Variants in C11orf98 observed in about 807,000 individuals in gnomAD.
C11orf98 encodes the protein 28S rRNA/ribosome and sororin micro-cofactor.
In C11orf98, 7 loss-of-function variants were observed where a neutral mutation model predicts 10.9. The observed-to-expected ratio is 0.64, with a 90% CI of 0.37 to 1.21. C11orf98 has a LOEUF of 1.21. Ranked by LOEUF, C11orf98 falls within the 50% of genes most tolerant of loss-of-function variation. C11orf98 has a pLI of 0.02. For missense variants in C11orf98, 181 were observed against 153.7 expected, an observed-to-expected ratio of 1.18 and a Z score of -0.94; for synonymous variants, 70 against 57.2, an observed-to-expected ratio of 1.22 and a Z score of -1.01.
At chr11:62,663,202 G>A (rs762693839) in intron 3 of C11orf98, 34 bp downstream of exon 3, 1 of 1,613,750 alleles carries the variant, frequency 6.2e-7, no homozygotes, top group South Asian at 1.1e-5. Context: ...AATAAATCCA[G>A]GATTCCCCTC....
At position 62,663,246 on chromosome 11, in the gene C11orf98, T is replaced by C. The variant is rs752883295; in HGVS notation, c.252A>G (p.Thr84=). Residue 84 remains threonine (T), a synonymous_variant, in exon 3 of 4, where the codon ACA becomes ACG. Transcript: ENST00000524958. ...QQIRLAQKEK[T]AMEVEAPSKP... ...CTGTCCCAGCCTCACCTTCCATGGC[T>C]GTCTTCTCTTTCTGGGCAAGCCGGA... 8.7e-6 allele frequency: 14 copies of C among 1,614,154 alleles called. No homozygotes were observed. The highest frequency in any genetic ancestry group is 1.0e-5 in the Non-Finnish European group (12 of 1,180,008).
rs1187687706 is a variant in C11orf98 at position 62,663,050 on chromosome 11, TTAGC to T, written c.368_371del (p.Ser123LysfsTer24). The T allele has an allele frequency of 6.3e-7, 1 of 1,575,940 alleles. No individual in the cohort carries two copies. Among genetic ancestry groups the T allele is most frequent in the Non-Finnish European group, 8.7e-7 (1 of 1,147,738 alleles). On this transcript the variant is annotated frameshift_variant and stop_lost, in exon 4 of 4. Coordinates refer to ENST00000524958, the MANE Select transcript of C11orf98 (RefSeq NM_001286086.2). LOFTEE classifies it high-confidence loss of function. Reference sequence around the variant, plus strand: ...TTGAGAATCTTCTAGTGGAAGAGGTTTAGCTCTCATCTTCAAGGTCCTTCATTTC... The same window carrying T: ...TTGAGAATCTTCTAGTGGAAGAGGTTTCTCATCTTCAAGGTCCTTCATTTC...
Position 62,663,260 on chromosome 11 carries a change from G to A in C11orf98, c.238C>T (p.Gln80Ter), listed in dbSNP as rs1296052187. ...RKLLQQIRLA[Q>*]KEKTAMEVEA... Reference sequence around the variant, plus strand: ...CCTTCCATGGCTGTCTTCTCTTTCTGGGCAAGCCGGATCTGCTGGAGGAGT... The same window carrying A: ...CCTTCCATGGCTGTCTTCTCTTTCTAGGCAAGCCGGATCTGCTGGAGGAGT... Residue 80 changes from glutamine to a stop codon, truncating the protein, a stop_gained, in exon 3 of 4, where the codon CAG (glutamine) becomes TAG (stop). Coordinates refer to ENST00000524958, the MANE Select transcript of C11orf98 (RefSeq NM_001286086.2). LOFTEE classifies it high-confidence loss of function. 6.2e-7 allele frequency: 1 copy of A among 1,614,144 alleles called. No individual in the cohort carries two copies. The highest frequency in any genetic ancestry group is 1.7e-5 in the Admixed American group (1 of 60,002).
Position 62,663,178 on chromosome 11 carries a change from G to C in C11orf98, c.263-19C>G, listed in dbSNP as rs772396802. The C allele has an allele frequency of 6.2e-7, 1 of 1,613,848 alleles. No individual in the cohort carries two copies. The highest frequency in any genetic ancestry group is 1.3e-5 in the African/African-American group (1 of 75,036). On this transcript the variant is annotated intron_variant, in intron 3 of 3. Coordinates refer to ENST00000524958, the MANE Select transcript of C11orf98 (RefSeq NM_001286086.2). Reference sequence around the variant, plus strand: ...GCTTCCACTGAGTAAAGGGAAGAAGGAAGTATTATCCCAAATAAATCCAGG... The same window carrying C: ...GCTTCCACTGAGTAAAGGGAAGAAGCAAGTATTATCCCAAATAAATCCAGG...
intron 2 of C11orf98, 109 bp from the exon 3 acceptor site, chr11:62,663,442 C>G: frequency 8.6e-7 from 1 of 1,156,094 alleles, no homozygotes. Flanking sequence ...CGCAGTGGCT[C>G]ACGCCTGTAA....
chr11:62,665,029 C>T (rs1944756788), intron 1 of C11orf98, 56 bp from the exon 2 acceptor site: 3 of 1,599,566 alleles, frequency 1.9e-6, no homozygotes, highest in South Asian at 2.2e-5. Flanking sequence ...ACCCGGGGCC[C>T]CTCCACCAGG....
Position 62,662,891 on chromosome 11 carries a change from T to C in C11orf98, c.*159A>G. ...CTTCTCCAATCTTTCTTCTGTACCTTCTTCCCTCCCAAAGACATCCCTCTA... is the reference window on the plus strand; with the variant it reads ...CTTCTCCAATCTTTCTTCTGTACCTCCTTCCCTCCCAAAGACATCCCTCTA... On this transcript the variant is annotated 3_prime_UTR_variant, in exon 4 of 4. Coordinates refer to ENST00000524958, the MANE Select transcript of C11orf98 (RefSeq NM_001286086.2). The C allele has an allele frequency of 1.6e-6, 1 of 614,692 alleles. No homozygotes were observed. Among genetic ancestry groups the C allele is most frequent in the Admixed American group, 3.0e-5 (1 of 33,780 alleles). 38.1% of individuals were successfully genotyped at this position (614,692 alleles called of 1,614,324 possible). A position where few individuals can be genotyped will look rare whatever the true frequency, so the allele number is the denominator to read the frequency against.
At chr11:62,664,801 A>C in intron 2 of C11orf98, 48 bp downstream of exon 2, 1 of 1,549,008 alleles carries the variant, frequency 6.5e-7, no homozygotes, top group Non-Finnish European at 8.7e-7. Context: ...GCAGGGAGGA[A>C]GGAAGACTCG....
intron 2 of C11orf98, 108 bp downstream of exon 2, chr11:62,664,741 A>T: frequency 1.4e-6 from 2 of 1,380,450 alleles, no homozygotes; most frequent in Non-Finnish European, 2.0e-6. Context: ...TTCCCCGCAT[A>T]AGCGTCAGTG....
At chr11:62,663,357 A>G (rs746379270) in intron 2 of C11orf98, 24 bp from the exon 3 acceptor site, 3 of 1,609,380 alleles carry the variant, frequency 1.9e-6, no homozygotes, top group South Asian at 2.2e-5. Context: ...GGAAATAAAG[A>G]GAGCTAGGTT....
At chr11:62,664,828 G>C in intron 2 of C11orf98, 21 bp downstream of exon 2, 1 of 1,556,388 alleles carries the variant, frequency 6.4e-7, no homozygotes, top group Non-Finnish European at 8.7e-7. Context: ...ACGACCAACA[G>C]GAAGAGGGTC....
intron 2 of C11orf98, 27 bp downstream of exon 2, chr11:62,664,822 C>A (rs1944750084): frequency 1.3e-6 from 2 of 1,553,666 alleles, no homozygotes; most frequent in Non-Finnish European, 1.7e-6. Context: ...GTGGGGACGA[C>A]CAACAGGAAG....
In C11orf98 at chr11:62,663,327, A is replaced by C; in HGVS notation, c.171T>G (p.Ser57Arg). 1 of 1,613,944 alleles carries C rather than the reference A, an allele frequency of 6.2e-7. No individual in the cohort carries two copies. The highest frequency in any genetic ancestry group is 8.5e-7 in the Non-Finnish European group (1 of 1,179,904). The change falls in exon 3 of 4, where the codon AGT becomes AGG. Residue 57 changes from serine (S) to arginine (R), a missense_variant. Transcript: ENST00000524958. ...TRHHLKKRAS[S>R]ARANITLSGK... ...CTGACAGTGTAATGTTGGCACGTGCACTGGACCTGATGGGTAAGTGGAAAT... is the reference window on the plus strand; with the variant it reads ...CTGACAGTGTAATGTTGGCACGTGCCCTGGACCTGATGGGTAAGTGGAAAT...
Position 62,663,444 on chromosome 11 carries a change from C to T in C11orf98, c.165-111G>A, listed in dbSNP as rs1485796196. On this transcript the variant is annotated intron_variant, in intron 2 of 3. Transcript: ENST00000524958. ...TAAATAGGCTGGGCGCAGTGGCTCA[C>T]GCCTGTAATCCCAGCACTTTGGGAG... 20 of 1,114,508 alleles carry T rather than the reference C, an allele frequency of 1.8e-5. No individual in the cohort carries two copies. The Admixed American group carries it at 4.0e-4, about 23-fold the overall frequency. 69.0% of individuals were successfully genotyped at this position (1,114,508 alleles called of 1,614,324 possible).
In C11orf98 at chr11:62,663,092, G is replaced by A. The variant is rs1334545997; in HGVS notation, c.330C>T (p.Ala110=). The A allele has an allele frequency of 3.7e-6, 6 of 1,612,762 alleles. No homozygotes were observed. Among genetic ancestry groups the A allele is most frequent in the African/African-American group, 2.7e-5 (2 of 74,884 alleles). ...PQLKRQKKTK[A]PQDVEMKDLE... ...GGTCCTTCATTTCTACATCCTGGGG[G>A]GCTTTTGTCTTCTTTTGCCTTTTGA... The change falls in exon 4 of 4, where the codon GCC becomes GCT. Residue 110 remains alanine, a synonymous_variant. Coordinates refer to ENST00000524958, the MANE Select transcript of C11orf98 (RefSeq NM_001286086.2).
intron 2 of C11orf98, among the ~76,000 whole-genome samples, 165 bp from the exon 3 acceptor site, chr11:62,663,498 A>G (rs954723001): frequency 1.1e-4 from 16 of 151,992 alleles, no homozygotes; most frequent in Admixed American, 9.8e-4. Context: ...CGAGGTCAGG[A>G]GATCGAGACC....
At position 62,663,080 on chromosome 11, in the gene C11orf98, T is replaced by TGA; in HGVS notation, c.341_342insTC (p.Glu115GlnfsTer3). ...TCTCATCTTCAAGGTCCTTCATTTCTACATCCTGGGGGGCTTTTGTCTTCT... is the reference window on the plus strand; with the variant it reads ...TCTCATCTTCAAGGTCCTTCATTTCTGAACATCCTGGGGGGCTTTTGTCTTCT... On this transcript the variant is annotated frameshift_variant, in exon 4 of 4. Transcript: ENST00000524958. LOFTEE classifies it high-confidence loss of function. 1 of 1,610,774 alleles carries TGA rather than the reference T, an allele frequency of 6.2e-7. No individual in the cohort carries two copies. The highest frequency in any genetic ancestry group is 8.5e-7 in the Non-Finnish European group (1 of 1,177,832).
At chr11:62,663,431 G>A in intron 2 of C11orf98, 98 bp from the exon 3 acceptor site, 1 of 1,289,628 alleles carries the variant, frequency 7.8e-7, no homozygotes, top group Non-Finnish European at 1.1e-6. Flanking sequence ...AATAGGCTGG[G>A]CGCAGTGGCT....
chr11:62,664,591 A>G (rs1176516920), intron 2 of C11orf98, among the ~76,000 whole-genome samples: 1 of 152,082 alleles, frequency 6.6e-6, no homozygotes, highest in Non-Finnish European at 1.5e-5. Flanking sequence ...TCAGCCCCCC[A>G]AAGTGCTGGG....
Sources: allele counts gnomAD v4.1 joint callset (sites outside exome capture counted in the v4.1 genomes callset), GRCh38; gene constraint gnomAD v4.1.1; transcripts MANE v1.5; gene names NCBI Gene and HGNC (gene_info 2026-07-23, HGNC 2026-07-21).